ING1: variants seen among roughly 807,000 people sequenced by gnomAD.
The protein encoded by ING1 is inhibitor of growth family member 1, also known as inhibitor of growth protein 1.
ING1 carries 4 observed loss-of-function variants against 23.1 expected under a neutral mutation model. The observed-to-expected ratio is 0.17, with a 90% CI of 0.09 to 0.40. ING1 has a LOEUF of 0.40. Among genes scored for constraint, ING1 ranks in the 10% least tolerant of loss-of-function variants. ING1 has a pLI of 1.00. For synonymous variants in ING1, 179 were observed against 166.4 expected, an observed-to-expected ratio of 1.08 and a Z score of -0.58; for missense variants, 256 against 393.8, an observed-to-expected ratio of 0.65 and a Z score of 2.96.
chr13:110,719,251 G>C lies in ING1; in HGVS notation c.159G>C (p.Glu53Asp), dbSNP rs138276642. 4.9e-4 allele frequency: 793 copies of C among 1,613,256 alleles called. 5 individuals carry two copies. Among genetic ancestry groups the C allele is most frequent in the South Asian group, 2.0e-3 (180 of 91,082 alleles). Residue 53 changes from glutamate to aspartate, a missense_variant, in exon 2 of 2, where the codon GAG becomes GAC. Glu to Asp is a conservative substitution (Grantham distance 45, BLOSUM62 2). Coordinates refer to ENST00000333219, the MANE Select transcript of ING1 (RefSeq NM_198219.3). This position sits in a 1 kb window ranked among gnomAD's most constrained non-coding sequence, Gnocchi z 8.9. ...CAGAGATCCTGAAGGAGCTAGACGA[G>C]TGCTACGAGCGCTTCAGTCGCGAGA... Reference protein sequence around the residue: ...KYQEILKELDECYERFSRETD... With the variant: ...KYQEILKELDDCYERFSRETD...
In ING1 at chr13:110,714,298, G is replaced by T; in HGVS notation, c.136+13G>T. The T allele has an allele frequency of 6.5e-7, 1 of 1,547,204 alleles. No individual in the cohort carries two copies. The highest frequency in any genetic ancestry group is 1.2e-5 in the South Asian group (1 of 85,196). On this transcript the variant is annotated intron_variant, in intron 1 of 1. Coordinates refer to ENST00000333219, the MANE Select transcript of ING1 (RefSeq NM_198219.3). ...GCGAAATACCAAGGTACGGCCGGGT[G>T]ATGGATGGGCGGGGGCGGCCGCCTC...
Position 110,719,331 on chromosome 13 carries a change from G to T in ING1, c.239G>T (p.Arg80Leu), listed in dbSNP as rs1799671530. 1.2e-6 allele frequency: 2 copies of T among 1,608,754 alleles called. No homozygotes were observed. Among genetic ancestry groups the T allele is most frequent in the Non-Finnish European group, 1.7e-6 (2 of 1,179,812 alleles). ...MLHCVQRALI[R>L]SQELGDEKIQ... is the part of the protein sequence containing the mutation. ...CACTGTGTGCAGCGCGCGCTGATCC[G>T]CAGCCAGGAGCTGGGCGACGAGAAG... Residue 80 changes from arginine (R) to leucine (L), a missense_variant, in exon 2 of 2, where the codon CGC becomes CTC. Coordinates refer to ENST00000333219, the MANE Select transcript of ING1 (RefSeq NM_198219.3). This position sits in a 1 kb window ranked among gnomAD's most constrained non-coding sequence, Gnocchi z 8.9.
chr13:110,719,489 A>G lies in ING1; in HGVS notation c.397A>G (p.Arg133Gly). The G allele has an allele frequency of 6.2e-7, 1 of 1,612,314 alleles. No homozygotes were observed. Among genetic ancestry groups the G allele is most frequent in the South Asian group, 1.1e-5 (1 of 90,978 alleles). Residue 133 changes from arginine (R) to glycine (G), a missense_variant, in exon 2 of 2, where the codon AGG becomes GGG. This residue lies in a region of ING1 where 209 missense variants were observed against 273.8 expected (regional missense o/e 0.76). Transcript: ENST00000333219. The surrounding 1 kb of genome is among the most constrained non-coding windows in gnomAD (Gnocchi z 8.9). ...AGNSGKAGAD[R>G]PKGEAAAQAD... ...CAACAGCGGCAAGGCTGGCGCGGACAGGCCCAAAGGCGAGGCGGCAGCGCA... is the reference window on the plus strand; with the variant it reads ...CAACAGCGGCAAGGCTGGCGCGGACGGGCCCAAAGGCGAGGCGGCAGCGCA...
rs2064182467 is a variant in ING1, at chr13:110,723,330, C to T, written c.*3398C>T. On this transcript the variant is annotated 3_prime_UTR_variant, in exon 2 of 2. Transcript: ENST00000333219. The stretch of plus-strand genomic sequence containing the variant: ...TGCCAATGCTGAATAAAGCATTTAT[C>T]AAAGTAAAAGCCATTTCCTCTTATT... 6.6e-6 allele frequency: 1 copy of T among 152,134 alleles called. No homozygotes were observed. Among genetic ancestry groups the T allele is most frequent in the South Asian group, 2.1e-4 (1 of 4,812 alleles). The allele number at this position is 152,134 out of a possible 1,614,324, so 9.4% of individuals were successfully genotyped here. A position where few individuals can be genotyped will look rare whatever the true frequency, so the allele number is the denominator to read the frequency against.
chr13:110,712,964 C>T (rs1009272237), upstream of ING1: 14 of 1,559,864 alleles, frequency 9.0e-6, no homozygotes, highest in African/African-American at 1.4e-5. Context: ...AGTGGTGGTC[C>T]GGCCGCGGAA....
rs1415102904 is a variant in ING1 at position 110,721,276 on chromosome 13, T to C, written c.*1344T>C. 6.6e-6 allele frequency: 1 copy of C among 152,274 alleles called. No individual in the cohort carries two copies. Among genetic ancestry groups the C allele is most frequent in the Non-Finnish European group, 1.5e-5 (1 of 68,036 alleles). 9.4% of individuals were successfully genotyped at this position (152,274 alleles called of 1,614,324 possible). ...AAGGGTCAGTGGAGTTTTCATTTATTATTTTTTATTTTTTTGAGATTGAGT... is the reference window on the plus strand; with the variant it reads ...AAGGGTCAGTGGAGTTTTCATTTATCATTTTTTATTTTTTTGAGATTGAGT... On this transcript the variant is annotated 3_prime_UTR_variant, in exon 2 of 2. Transcript: ENST00000333219.
chr13:110,716,130 C>T, intron 1 of ING1: 1 of 1,072,002 alleles, frequency 9.3e-7, no homozygotes, highest in Non-Finnish European at 1.3e-6. Context: ...GGAAGGAAGG[C>T]AGGGGCTGAG....
chr13:110,717,806 C>T (rs1420695714), intron 1 of ING1, among the ~76,000 whole-genome samples: 1 of 152,138 alleles, frequency 6.6e-6, no homozygotes, highest in African/African-American at 2.4e-5. Flanking sequence ...GCCTGGGCAA[C>T]AAGAGTGAAA....
chr13:110,714,297 TGATG>T lies in ING1; in HGVS notation c.136+18_136+21del. On this transcript the variant is annotated intron_variant, in intron 1 of 1. Transcript: ENST00000333219. ...CGCGAAATACCAAGGTACGGCCGGG[TGATG>T]GATGGGCGGGGGCGGCCGCCTCCTT... 6.5e-7 allele frequency: 1 copy of T among 1,542,772 alleles called. No individual in the cohort carries two copies. The highest frequency in any genetic ancestry group is 8.7e-7 in the Non-Finnish European group (1 of 1,145,758).
At chr13:110,715,562 C>A in intron 1 of ING1, 2 of 1,613,968 alleles carry the variant, frequency 1.2e-6, no homozygotes, top group Non-Finnish European at 1.7e-6. Context: ...CTTCTTTTTT[C>A]TTTTTCGGGG....
At chr13:110,712,740 C>T (rs770555840), upstream of ING1, 1 of 700,582 alleles carries the variant, frequency 1.4e-6, no homozygotes, top group East Asian at 2.7e-5. Flanking sequence ...GAGCGGCCTC[C>T]GAGAACGGTG....
intron 1 of ING1, chr13:110,714,870 G>T: frequency 1.6e-6 from 1 of 607,122 alleles, no homozygotes; most frequent in Non-Finnish European, 2.1e-6. Context: ...GCCCTCACTT[G>T]GAGCTGGACA....
In ING1 at chr13:110,720,058, C is replaced by G; in HGVS notation, c.*126C>G. The G allele has an allele frequency of 1.4e-6, 1 of 702,444 alleles. No individual in the cohort carries two copies. Among genetic ancestry groups the G allele is most frequent in the Admixed American group, 3.5e-5 (1 of 28,230 alleles). 43.5% of individuals were successfully genotyped at this position (702,444 alleles called of 1,614,324 possible). On this transcript the variant is annotated 3_prime_UTR_variant, in exon 2 of 2. Coordinates refer to ENST00000333219, the MANE Select transcript of ING1 (RefSeq NM_198219.3). ...AAAGAATGTTAGTAAAGGAACCATT[C>G]CTTTCATAGGGATGGCAGTGATTCT...
chr13:110,713,342 C>T (rs1426458098), upstream of ING1: 2 of 1,106,192 alleles, frequency 1.8e-6, no homozygotes, highest in Non-Finnish European at 2.2e-6. Flanking sequence ...CCGTTAGGTC[C>T]TGGTCGGGTT....
rs527655382 is a variant in ING1, at chr13:110,714,361, G to A, written c.136+76G>A. 4.5e-6 allele frequency: 6 copies of A among 1,333,812 alleles called. No homozygotes were observed. In the African/African-American group the frequency reaches 6.2e-5, roughly 14 times the overall value. The allele number at this position is 1,333,812 out of a possible 1,614,324, so 82.6% of individuals were successfully genotyped here. On this transcript the variant is annotated intron_variant, in intron 1 of 1. Transcript: ENST00000333219. ...TCCGGGCGCGCCGCGGAGCCGGGCC[G>A]GTCCTGCCGTGGACCGGAGGAAGCG...
chr13:110,713,515 G>A (rs1490666415), upstream of ING1: 15 of 986,482 alleles, frequency 1.5e-5, no homozygotes, highest in East Asian at 2.3e-4. Context: ...CTCGCCTCTG[G>A]AAAAAGTGAC....
rs2064181290 is a variant in ING1, at chr13:110,723,036, A to G, written c.*3104A>G. The G allele has an allele frequency of 6.6e-6, 1 of 152,256 alleles. No individual in the cohort carries two copies. Among genetic ancestry groups the G allele is most frequent in the African/African-American group, 2.4e-5 (1 of 41,468 alleles). 9.4% of individuals were successfully genotyped at this position (152,256 alleles called of 1,614,324 possible). On this transcript the variant is annotated 3_prime_UTR_variant, in exon 2 of 2. Coordinates refer to ENST00000333219, the MANE Select transcript of ING1 (RefSeq NM_198219.3). ...ATATTTGTTGTATAATAACCAAGTT[A>G]TTACAGTTCAGATAAAGGGTCCAAA...
chr13:110,715,299 C>T (rs2064101547), intron 1 of ING1: 34 of 1,384,110 alleles, frequency 2.5e-5, no homozygotes, highest in Non-Finnish European at 3.1e-5. Flanking sequence ...AAAAATTGAC[C>T]GCTATCCCCG....
At chr13:110,716,131 AG>A in intron 1 of ING1, 1 of 1,018,574 alleles carries the variant, frequency 9.8e-7, no homozygotes, top group Non-Finnish European at 1.3e-6. Flanking sequence ...GAAGGAAGGC[AG>A]GGGCTGAGAC....
Sources: allele counts gnomAD v4.1 joint callset (sites outside exome capture counted in the v4.1 genomes callset), GRCh38; gene constraint gnomAD v4.1.1; regional missense constraint gnomAD v4.1.1; non-coding constraint Gnocchi (gnomAD v3.1); transcripts MANE v1.5; gene names NCBI Gene and HGNC (gene_info 2026-07-23, HGNC 2026-07-21).